The following NRBP1 variants were observed in gnomAD, a reference collection of about 807,000 sequenced individuals.
NRBP1 encodes the protein nuclear receptor binding protein 1.
NRBP1 carries 10 observed loss-of-function variants against 76.0 expected under a neutral mutation model. The ratio of observed to expected loss-of-function variants is 0.13; its 90% CI spans 0.08 to 0.22. The LOEUF is 0.22. NRBP1 is among the 10% of genes least tolerant of loss of function. The probability of loss-of-function intolerance (pLI) is 1.00; values close to 1 mark genes in which losing one functional copy is unlikely to be tolerated. For missense variants in NRBP1, 344 were observed against 646.0 expected (o/e 0.53, Z 5.07); for synonymous variants, 235 against 240.2 (o/e 0.98, Z 0.20).
Position 27,436,835 on chromosome 2 carries a change from A to G in NRBP1, c.744A>G (p.Gly248=). 6.2e-7 allele frequency: 1 copy of G among 1,613,608 alleles called. No individual in the cohort carries two copies. The highest frequency in any genetic ancestry group is 8.5e-7 in the Non-Finnish European group (1 of 1,179,506). ...KNLHFFAPEY[G]EVTNVTTAVD... ...TACACTTCTTTGCACCAGAGTATGG[A>G]GGTGAGCCTTCCTGCTTTCTCTGCC... is the stretch of plus-strand genomic sequence containing the variant. The change falls in exon 8 of 18, where the codon GGA becomes GGG. Residue 248 remains glycine (G), a splice_region_variant and synonymous_variant. Transcript: ENST00000379852.
At chr2:27,436,074 C>T (rs1442249283) in intron 7 of NRBP1, 3 of 463,172 alleles carry the variant, frequency 6.5e-6, no homozygotes, top group Non-Finnish European at 4.0e-6. Flanking sequence ...CAAATTGGGC[C>T]TGGTCCTGGT....
At chr2:27,439,644 C>A in intron 10 of NRBP1, 122 bp from the exon 11 acceptor site, 1 of 1,070,348 alleles carries the variant, frequency 9.3e-7, no homozygotes. Flanking sequence ...ATATTGTTTT[C>A]TCAGCAAGTG....
chr2:27,441,349 T>C lies in NRBP1; in HGVS notation c.1447+19T>C. ...ATGCCAAGTGAGTCTCTCCTTTCCC[T>C]CAGAGGATGGAGAGTCTATGAGCCT... On this transcript the variant is annotated intron_variant, in intron 16 of 17. Transcript: ENST00000379852. The C allele has an allele frequency of 6.2e-7, 1 of 1,611,906 alleles. No homozygotes were observed. Among genetic ancestry groups the C allele is most frequent in the Non-Finnish European group, 8.5e-7 (1 of 1,178,094 alleles).
In NRBP1 at chr2:27,433,295, A is replaced by G; in HGVS notation, c.22A>G (p.Thr8Ala). ...CAGCATGTCGGAGGGGGAGTCCCAGACAGTACTTAGCAGTGGCTCAGACCC... is the reference window on the plus strand; with the variant it reads ...CAGCATGTCGGAGGGGGAGTCCCAGGCAGTACTTAGCAGTGGCTCAGACCC... MSEGESQ[T>A]VLSSGSDPKV... Residue 8 changes from threonine to alanine, a missense_variant, in exon 2 of 18, where the codon ACA (threonine) becomes GCA (alanine). By Grantham distance (58) the Thr-to-Ala change is moderately conservative. This residue lies in a region of NRBP1 where 53 missense variants were observed against 48.4 expected (regional missense o/e 1.09). Transcript: ENST00000379852. 4 of 1,614,062 alleles carry G rather than the reference A, an allele frequency of 2.5e-6. No homozygotes were observed. Among genetic ancestry groups the G allele is most frequent in the Non-Finnish European group, 3.4e-6 (4 of 1,180,042 alleles).
chr2:27,429,986 C>T (rs1664040402), intron 1 of NRBP1, among the ~76,000 whole-genome samples: 1 of 152,130 alleles, frequency 6.6e-6, no homozygotes, highest in Non-Finnish European at 1.5e-5. Context: ...AGTGTCTTAC[C>T]ATTTTCTTAG....
intron 7 of NRBP1, 131 bp downstream of exon 7, chr2:27,435,358 C>A: frequency 1.5e-6 from 1 of 689,078 alleles, no homozygotes; most frequent in Admixed American, 2.7e-5. Context: ...AAGGACCTTG[C>A]TAGGAGTAAT....
chr2:27,435,667 CACA>C, intron 7 of NRBP1: 1 of 717,640 alleles, frequency 1.4e-6, no homozygotes, highest in South Asian at 1.5e-5. Flanking sequence ...CTCCATCGCT[CACA>C]ACTTTTCTCT....
chr2:27,433,953 G>A, intron 3 of NRBP1, 36 bp from the exon 4 acceptor site: 1 of 1,531,032 alleles, frequency 6.5e-7, no homozygotes, highest in Non-Finnish European at 8.8e-7. Flanking sequence ...ACAGTGATTT[G>A]TGACTCTGTT....
rs1663974085 is a variant in NRBP1 at position 27,428,799 on chromosome 2, G to A, written c.-21+68G>A. 3 of 398,162 alleles carry A rather than the reference G, an allele frequency of 7.5e-6. No individual in the cohort carries two copies. The East Asian group carries it at 1.1e-4, about 14-fold the overall frequency. The allele number at this position is 398,162 out of a possible 1,614,324, so 24.7% of individuals were successfully genotyped here. A position where few individuals can be genotyped will look rare whatever the true frequency, so the allele number is the denominator to read the frequency against. On this transcript the variant is annotated intron_variant, in intron 1 of 17. Coordinates refer to ENST00000379852, the MANE Select transcript of NRBP1 (RefSeq NM_013392.4). ...CGAGAGGACGGAAGGATCGGCCTCC[G>A]AGGCCCGGGACGGTGGGACCCGCCA...
intron 10 of NRBP1, among the ~76,000 whole-genome samples, chr2:27,438,869 G>A (rs143650418): frequency 2.2e-3 from 328 of 152,316 alleles, no homozygotes; most frequent in Non-Finnish European, 3.4e-3. Flanking sequence ...TGAAGTGGGA[G>A]GATTGCTTGA....
chr2:27,435,451 A>G (rs1421558272), intron 7 of NRBP1: 8 of 604,220 alleles, frequency 1.3e-5, no homozygotes, highest in Non-Finnish European at 2.4e-5. Flanking sequence ...TGGGGTTAAT[A>G]CAGAGATACT....
In NRBP1 at chr2:27,437,028, CCTT is replaced by C; in HGVS notation, c.746-16_746-14del. 1 of 1,610,524 alleles carries C rather than the reference CCTT, an allele frequency of 6.2e-7. No individual in the cohort carries two copies. Among genetic ancestry groups the C allele is most frequent in the Non-Finnish European group, 8.5e-7 (1 of 1,177,054 alleles). ...CCCCCAATCCTCTGATTAACCAAAG[CCTT>C]CTCTGTTTTCCCTAGAAGTCACTAA... On this transcript the variant is annotated splice_polypyrimidine_tract_variant and intron_variant, in intron 8 of 17. Coordinates refer to ENST00000379852, the MANE Select transcript of NRBP1 (RefSeq NM_013392.4).
intron 10 of NRBP1, among the ~76,000 whole-genome samples, chr2:27,439,532 G>A (rs923883436): frequency 2.0e-4 from 30 of 151,802 alleles, no homozygotes; most frequent in Middle Eastern, 3.2e-3. Flanking sequence ...GAAAGCTTGT[G>A]GTTGGAGAGC....
At chr2:27,433,864 G>GTT in intron 3 of NRBP1, 69 bp downstream of exon 3, 1 of 1,611,298 alleles carries the variant, frequency 6.2e-7, no homozygotes, top group Non-Finnish European at 8.5e-7. Flanking sequence ...AATTGGTGTT[G>GTT]GGAAGCTGCC....
At position 27,439,995 on chromosome 2, in the gene NRBP1, C is replaced by CTTTTTTTTTT. The variant is rs70953859; in HGVS notation, c.1036+124_1036+133dup. On this transcript the variant is annotated intron_variant, in intron 11 of 17. Coordinates refer to ENST00000379852, the MANE Select transcript of NRBP1 (RefSeq NM_013392.4). The stretch of plus-strand genomic sequence containing the variant: ...TTTCCTCTTTATTTCCAAAGGGATT[C>CTTTTTTTTTT]TTTTTTTTTTTTTTTTTTTTTTTTT... 43 of 459,776 alleles carry CTTTTTTTTTT rather than the reference C, an allele frequency of 9.4e-5. 11 individuals carry two copies. Among genetic ancestry groups the CTTTTTTTTTT allele is most frequent in the Admixed American group, 2.7e-4 (6 of 21,904 alleles). The allele number at this position is 459,776 out of a possible 1,614,324, so 28.5% of individuals were successfully genotyped here.
At chr2:27,434,608 T>C (rs564108814) in intron 5 of NRBP1, 48 bp downstream of exon 5, 1 of 1,595,916 alleles carries the variant, frequency 6.3e-7, no homozygotes, top group Non-Finnish European at 8.6e-7. Flanking sequence ...TTGGGGGTGG[T>C]TTTAAAAAGG....
intron 1 of NRBP1, chr2:27,429,258 A>C (rs896149808): frequency 5.2e-5 from 8 of 152,480 alleles, no homozygotes; most frequent in African/African-American, 1.9e-4. Flanking sequence ...GACGCAGGGC[A>C]TGCGACCTGT....
At chr2:27,435,710 C>T (rs980215908) in intron 7 of NRBP1, 2 of 717,670 alleles carry the variant, frequency 2.8e-6, no homozygotes, top group Non-Finnish European at 5.2e-6. Flanking sequence ...ACGGGCTGCT[C>T]TGTTCCCAAC....
At chr2:27,435,418 T>A (rs1664264702) in intron 7 of NRBP1, among the ~76,000 whole-genome samples, 191 bp downstream of exon 7, 1 of 152,068 alleles carries the variant, frequency 6.6e-6, no homozygotes, top group Non-Finnish European at 1.5e-5. Context: ...ATATATAATC[T>A]TACACCTTTT....
Sources: gnomAD v4.1 joint callset for allele counts (sites outside exome capture counted in the v4.1 genomes callset) on GRCh38, gnomAD v4.1.1 for gene constraint, gnomAD v4.1.1 regional missense constraint, MANE v1.5 for transcripts, NCBI Gene and HGNC (gene_info 2026-07-23, HGNC 2026-07-21) for gene names.